Variants in LARGE1 observed in about 807,000 individuals in gnomAD.
LARGE1 encodes xylosyl- and glucuronyltransferase LARGE1.
A neutral mutation model predicts 87.6 loss-of-function variants in LARGE1; 43 were observed. The observed-to-expected ratio is 0.49, with a 90% CI of 0.38 to 0.63. The LOEUF (loss-of-function observed/expected upper bound fraction) is 0.63, where lower values mean the gene tolerates loss of function less well. LARGE1 is among the 30% of genes least tolerant of loss of function. The pLI is 0.00. For missense variants in LARGE1, 802 were observed against 1,000.2 expected (o/e 0.80, Z 2.67); for synonymous variants, 434 against 394.6 (o/e 1.10, Z -1.18).
chr22:33,245,285 G>T (rs1926703800), intron 11 of LARGE1, among the ~76,000 whole-genome samples: 1 of 152,294 alleles, frequency 6.6e-6, no homozygotes, highest in South Asian at 2.1e-4. Flanking sequence ...CTGTTGTGTT[G>T]GAGAATGACT....
At chr22:33,570,951 T>G (rs1200997310) in intron 5 of LARGE1, among the ~76,000 whole-genome samples, 1 of 152,016 alleles carries the variant, frequency 6.6e-6, no homozygotes, top group Non-Finnish European at 1.5e-5. Flanking sequence ...CAGGCAAATT[T>G]TCCCGAGAGC....
At chr22:33,879,105 T>C (rs906771251) in intron 1 of LARGE1, among the ~76,000 whole-genome samples, 1 of 152,068 alleles carries the variant, frequency 6.6e-6, no homozygotes, top group Non-Finnish European at 1.5e-5. Context: ...CCCGAGTAGC[T>C]GGGATTACAG....
chr22:33,122,916 T>C, the LARGE1 span, among the ~76,000 whole-genome samples: 1 of 152,190 alleles, frequency 6.6e-6, no homozygotes, highest in Non-Finnish European at 1.5e-5. Context: ...GGGACCCTAC[T>C]GCTGGTGGTA....
chr22:33,389,167 A>G (rs1473973408), intron 7 of LARGE1, among the ~76,000 whole-genome samples: 1 of 152,244 alleles, frequency 6.6e-6, no homozygotes, highest in East Asian at 1.9e-4. Flanking sequence ...CGCAAGAACT[A>G]GAGTGTATCA....
intron 2 of LARGE1, among the ~76,000 whole-genome samples, chr22:33,718,919 T>C (rs2082993767): frequency 6.6e-6 from 1 of 152,076 alleles, no homozygotes; most frequent in Non-Finnish European, 1.5e-5. Flanking sequence ...GCCTCCCAAG[T>C]GGCTAGGATT....
intron 10 of LARGE1, among the ~76,000 whole-genome samples, chr22:33,325,991 A>C (rs749086692): frequency 4.6e-5 from 7 of 152,206 alleles, no homozygotes; most frequent in Non-Finnish European, 8.8e-5. Flanking sequence ...GGTTTCCACA[A>C]AGCAGTTACA....
chr22:33,774,558 A>G (rs2085175330), intron 1 of LARGE1, among the ~76,000 whole-genome samples: 1 of 151,990 alleles, frequency 6.6e-6, no homozygotes, highest in Non-Finnish European at 1.5e-5. Flanking sequence ...GGGTTTCACC[A>G]TGTTGGCCAG....
chr22:33,904,552 C>T (rs1240322443), intron 1 of LARGE1, among the ~76,000 whole-genome samples: 2 of 152,158 alleles, frequency 1.3e-5, no homozygotes, highest in African/African-American at 2.4e-5. Context: ...CCTGGCATCC[C>T]ATGGGGACAG....
intron 6 of LARGE1, among the ~76,000 whole-genome samples, chr22:33,551,768 C>G (rs1178598798): frequency 1.3e-5 from 2 of 152,104 alleles, no homozygotes; most frequent in African/African-American, 2.4e-5. Context: ...TGTCTGCAAT[C>G]AAAATCTCTT....
intron 1 of LARGE1, among the ~76,000 whole-genome samples, chr22:33,793,486 T>C (rs1246867593): frequency 2.0e-5 from 3 of 152,228 alleles, no homozygotes; most frequent in Non-Finnish European, 4.4e-5. Flanking sequence ...TCTAGTTTTA[T>C]TTATTGCAAA....
intron 11 of LARGE1, among the ~76,000 whole-genome samples, chr22:33,181,959 A>C (rs1167167039): frequency 6.7e-6 from 1 of 149,764 alleles, no homozygotes; most frequent in Non-Finnish European, 1.5e-5. Flanking sequence ...AGCAGCTGGG[A>C]TTACAGTTGG....
intron 6 of LARGE1, among the ~76,000 whole-genome samples, chr22:33,450,764 C>T (rs2067882707): frequency 6.6e-6 from 1 of 152,114 alleles, no homozygotes; most frequent in African/African-American, 2.4e-5. Context: ...TTCCCAAGAT[C>T]ACACAGATGA....
At chr22:33,733,087 C>G (rs1172431917) in intron 2 of LARGE1, 1 of 152,254 alleles carries the variant, frequency 6.6e-6, no homozygotes, top group African/African-American at 2.4e-5. Flanking sequence ...TGGCTTCATT[C>G]ATCTCGCAAC....
chr22:33,676,346 C>T (rs970507088), intron 2 of LARGE1, among the ~76,000 whole-genome samples: 1 of 99,142 alleles, frequency 1.0e-5, no homozygotes, highest in African/African-American at 3.8e-5. Context: ...GTTAAACCTA[C>T]ACATCATATG....
chr22:33,578,849 G>C (rs893746264), intron 5 of LARGE1, among the ~76,000 whole-genome samples: 2 of 152,046 alleles, frequency 1.3e-5, no homozygotes, highest in Admixed American at 6.5e-5. Context: ...GAAAGACAAA[G>C]GTGACTACTA....
intron 9 of LARGE1, among the ~76,000 whole-genome samples, chr22:33,369,131 T>C (rs2064708969): frequency 6.6e-6 from 1 of 152,254 alleles, no homozygotes; most frequent in Admixed American, 6.5e-5. Flanking sequence ...TCTTTCAAAA[T>C]TGGAGCCAAT....
At chr22:33,909,137 T>C (rs1449610737) in intron 1 of LARGE1, among the ~76,000 whole-genome samples, 1 of 152,186 alleles carries the variant, frequency 6.6e-6, no homozygotes, top group African/African-American at 2.4e-5. Flanking sequence ...GAAAGCGCTA[T>C]TTTAAGACTT....
At chr22:33,222,587 C>T (rs1197640243) in intron 11 of LARGE1, among the ~76,000 whole-genome samples, 1 of 152,196 alleles carries the variant, frequency 6.6e-6, no homozygotes, top group East Asian at 1.9e-4. Flanking sequence ...TTGTAAGAGT[C>T]GGAAGAGGAG....
At chr22:33,811,324 A>G (rs1395965844) in intron 1 of LARGE1, among the ~76,000 whole-genome samples, 1 of 152,188 alleles carries the variant, frequency 6.6e-6, no homozygotes, top group Non-Finnish European at 1.5e-5. Flanking sequence ...ATAAAACATA[A>G]TTTAGCAGAG....
Sources: allele counts gnomAD v4.1 joint callset (sites outside exome capture counted in the v4.1 genomes callset), GRCh38; gene constraint gnomAD v4.1.1; transcripts MANE v1.5; gene names NCBI Gene and HGNC (gene_info 2026-07-23, HGNC 2026-07-21).